EDIL3: variants seen among roughly 807,000 people sequenced by gnomAD.
EDIL3 encodes EGF like and discoidin domains 3, also known as EGF-like repeat and discoidin I-like domain-containing protein 3.
EDIL3 carries 37 observed loss-of-function variants against 67.4 expected under a neutral mutation model. The ratio of observed to expected loss-of-function variants is 0.55; its 90% CI spans 0.42 to 0.72. The LOEUF (loss-of-function observed/expected upper bound fraction) is 0.72, where lower values mean the gene tolerates loss of function less well. EDIL3 is among the 30% of genes least tolerant of loss of function. The pLI is 0.00. For missense variants in EDIL3, 527 were observed against 586.3 expected (o/e 0.90, Z 1.04); for synonymous variants, 195 against 196.3 (o/e 0.99, Z 0.05).
chr5:84,113,130 A>C (rs1747592832), intron 5 of EDIL3, among the ~76,000 whole-genome samples: 1 of 152,130 alleles, frequency 6.6e-6, no homozygotes, highest in Admixed American at 6.5e-5. Context: ...GAAATTCCCC[A>C]TTGTTACCTC....
rs766738445 is a variant in EDIL3, at chr5:84,014,319, A to G, written c.1137+45981T>C. 3.5e-4 allele frequency among the ~76,000 whole-genome samples: 54 copies of G among 152,200 alleles called. 1 individual carries two copies. The highest frequency in any genetic ancestry group is 1.6e-4 in the Non-Finnish European group (11 of 68,026). ...ACTTCTGGTAGCATGGAAGTGTTGT[A>G]TCAGTTGTATAGGACTGTTAAGCCA... On this transcript the variant is annotated intron_variant, in intron 9 of 10. Coordinates refer to ENST00000296591, the MANE Select transcript of EDIL3 (RefSeq NM_005711.5).
At chr5:83,982,185 T>C (rs1335574541) in intron 9 of EDIL3, among the ~76,000 whole-genome samples, 1 of 152,126 alleles carries the variant, frequency 6.6e-6, no homozygotes, top group African/African-American at 2.4e-5. Context: ...ATTTATTGGC[T>C]TCCCAATATG....
chr5:84,206,617 C>T (rs1374176621), intron 3 of EDIL3, among the ~76,000 whole-genome samples: 1 of 152,108 alleles, frequency 6.6e-6, no homozygotes, highest in Non-Finnish European at 1.5e-5. Flanking sequence ...AGACCAATAT[C>T]CTTGATGAAC....
rs566461992 is a variant in EDIL3, at chr5:84,260,783, C to T, written c.68-6571G>A. Among the ~76,000 whole-genome samples the T allele has an allele frequency of 2.0e-5, 3 of 152,230 alleles. No individual in the cohort carries two copies. In the South Asian group the frequency reaches 6.2e-4, roughly 32 times the overall value. On this transcript the variant is annotated intron_variant, in intron 1 of 10. Transcript: ENST00000296591. ...ATATGTCTGCACCATCATCCCTGCCCTCTCTCCATTTCTGTAAAGAAATTT... is the reference window on the plus strand; with the variant it reads ...ATATGTCTGCACCATCATCCCTGCCTTCTCTCCATTTCTGTAAAGAAATTT...
intron 4 of EDIL3, among the ~76,000 whole-genome samples, chr5:84,169,683 C>G (rs1239104536): frequency 6.7e-6 from 1 of 150,004 alleles, no homozygotes; most frequent in Non-Finnish European, 1.5e-5. Flanking sequence ...AGCTTAATTT[C>G]CTGGAGATTT....
At chr5:84,265,536 A>G (rs946905765) in intron 1 of EDIL3, among the ~76,000 whole-genome samples, 4 of 152,230 alleles carry the variant, frequency 2.6e-5, no homozygotes, top group African/African-American at 9.6e-5. Flanking sequence ...AAAGTGAATG[A>G]TTTCATACAC....
intron 2 of EDIL3, among the ~76,000 whole-genome samples, chr5:84,237,184 T>C (rs576721755): frequency 6.6e-6 from 1 of 152,226 alleles, no homozygotes; most frequent in East Asian, 1.9e-4. Context: ...GACTACTCAC[T>C]TCAACCTCAA....
At chr5:84,041,257 C>T (rs1746114771) in intron 9 of EDIL3, among the ~76,000 whole-genome samples, 1 of 151,712 alleles carries the variant, frequency 6.6e-6, no homozygotes, top group African/African-American at 2.4e-5. Context: ...TATATTTGTC[C>T]AAAAATGCAC....
intron 4 of EDIL3, among the ~76,000 whole-genome samples, chr5:84,176,818 T>TATA (rs1033911826): frequency 6.6e-6 from 1 of 151,300 alleles, no homozygotes; most frequent in Non-Finnish European, 1.5e-5. Context: ...CTATGATATA[T>TATA]ATATATATAA....
At chr5:84,204,931 G>A (rs1276272144) in intron 3 of EDIL3, among the ~76,000 whole-genome samples, 1 of 151,976 alleles carries the variant, frequency 6.6e-6, no homozygotes, top group African/African-American at 2.4e-5. Flanking sequence ...GTGTGTTTCT[G>A]AGACAGAGTC....
intron 1 of EDIL3, among the ~76,000 whole-genome samples, chr5:84,300,585 G>T (rs2650471): frequency 0.32 from 48,744 of 151,964 alleles, 8,064 homozygotes; most frequent in Non-Finnish European, 0.35. Flanking sequence ...TATTTCCTAA[G>T]TCAAACATCT....
chr5:84,359,672 A>C (rs1404922491), intron 1 of EDIL3, among the ~76,000 whole-genome samples: 1 of 152,212 alleles, frequency 6.6e-6, no homozygotes, highest in Non-Finnish European at 1.5e-5. Context: ...TGCCAATCAA[A>C]ATGTTTTGGT....
intron 10 of EDIL3, among the ~76,000 whole-genome samples, chr5:83,962,006 T>A (rs1458884623): frequency 6.6e-6 from 1 of 151,400 alleles, no homozygotes; most frequent in Non-Finnish European, 1.5e-5. Flanking sequence ...GATGTTAACA[T>A]GTGACTAGAT....
chr5:84,351,373 A>C (rs1335614139), intron 1 of EDIL3, among the ~76,000 whole-genome samples: 1 of 152,128 alleles, frequency 6.6e-6, no homozygotes, highest in Non-Finnish European at 1.5e-5. Flanking sequence ...TAGGTATGTC[A>C]CTAACCAGCT....
chr5:84,004,126 A>T (rs1745375969), intron 9 of EDIL3, among the ~76,000 whole-genome samples: 1 of 152,228 alleles, frequency 6.6e-6, no homozygotes, highest in Admixed American at 6.5e-5. Context: ...AGAAGACATA[A>T]CTATCCTAAA....
intron 10 of EDIL3, among the ~76,000 whole-genome samples, chr5:83,962,635 C>A (rs993611570): frequency 6.6e-6 from 1 of 151,332 alleles, no homozygotes; most frequent in African/African-American, 2.4e-5. Flanking sequence ...ATAAAACAAA[C>A]CTATGAATTA....
chr5:84,080,485 G>C (rs1447377162), intron 6 of EDIL3, among the ~76,000 whole-genome samples: 1 of 151,972 alleles, frequency 6.6e-6, no homozygotes, highest in African/African-American at 2.4e-5. Context: ...ACTCTCTTCT[G>C]TTCTTGCAGA....
chr5:84,315,794 AAC>A (rs950791448), intron 1 of EDIL3, among the ~76,000 whole-genome samples: 21 of 152,126 alleles, frequency 1.4e-4, no homozygotes, highest in African/African-American at 3.9e-4. Flanking sequence ...GAGCAATCCC[AAC>A]ACACATAATC....
intron 6 of EDIL3, among the ~76,000 whole-genome samples, chr5:84,104,086 CA>C (rs750322079): frequency 1.3e-5 from 2 of 151,878 alleles, no homozygotes; most frequent in Non-Finnish European, 2.9e-5. Context: ...GAAGCTGGAG[CA>C]AACTAATTAT....
Sources: allele counts gnomAD v4.1 joint callset (sites outside exome capture counted in the v4.1 genomes callset), GRCh38; gene constraint gnomAD v4.1.1; transcripts MANE v1.5; gene names NCBI Gene and HGNC (gene_info 2026-07-23, HGNC 2026-07-21).